The following SYT1 variants were observed in gnomAD, a reference collection of about 807,000 sequenced individuals.
SYT1 encodes the protein synaptotagmin-1.
SYT1 carries 8 observed loss-of-function variants against 44.8 expected under a neutral mutation model. The observed-to-expected ratio is 0.18, with a 90% confidence interval of 0.10 to 0.32. SYT1 has a LOEUF of 0.32. SYT1 is among the 10% of genes least tolerant of loss of function. SYT1 has a pLI of 1.00. For synonymous variants in SYT1, 154 were observed against 188.8 expected, an observed-to-expected ratio of 0.82 and a Z score of 1.51; for missense variants, 286 against 509.3, an observed-to-expected ratio of 0.56 and a Z score of 4.22.
intron 9 of SYT1, among the ~76,000 whole-genome samples, chr12:79,384,096 A>G (rs755151301): frequency 1.3e-5 from 2 of 152,176 alleles, no homozygotes; most frequent in Admixed American, 6.6e-5. Context: ...TAAATTAAGG[A>G]AATTGAGTTT....
intron 3 of SYT1, among the ~76,000 whole-genome samples, chr12:79,133,236 G>C (rs1160646219): frequency 2.6e-5 from 4 of 151,994 alleles, no homozygotes; most frequent in Non-Finnish European, 4.4e-5. Context: ...TGCTAGAAGA[G>C]GGTCAGGTGC....
intron 3 of SYT1, among the ~76,000 whole-genome samples, chr12:79,089,491 T>A (rs1877620339): frequency 7.6e-6 from 1 of 131,912 alleles, no homozygotes; most frequent in Non-Finnish European, 1.6e-5. Context: ...CTTGTGGAAG[T>A]CAACTGAAAA....
chr12:79,362,887 G>A (rs1883373183), intron 9 of SYT1, among the ~76,000 whole-genome samples: 1 of 152,162 alleles, frequency 6.6e-6, no homozygotes, highest in South Asian at 2.1e-4. Flanking sequence ...GTAAATACGT[G>A]TTGCTCTAGG....
intron 9 of SYT1, among the ~76,000 whole-genome samples, chr12:79,422,567 T>A (rs1593053844): frequency 6.6e-6 from 1 of 151,860 alleles, no homozygotes; most frequent in East Asian, 1.9e-4. Flanking sequence ...TCCACTTAAC[T>A]GCAGCCTAAG....
At chr12:79,404,261 A>C (rs2136120337) in intron 9 of SYT1, among the ~76,000 whole-genome samples, 1 of 152,308 alleles carries the variant, frequency 6.6e-6, no homozygotes, top group East Asian at 1.9e-4. Flanking sequence ...ACTAAATTAT[A>C]ATGGTGGTAC....
At chr12:79,280,813 T>C (rs1177525470) in intron 4 of SYT1, among the ~76,000 whole-genome samples, 1 of 151,504 alleles carries the variant, frequency 6.6e-6, no homozygotes, top group Non-Finnish European at 1.5e-5. Context: ...GAAAAAAAGA[T>C]AATAATCCCA....
intron 4 of SYT1, among the ~76,000 whole-genome samples, chr12:79,267,466 T>C (rs752773335): frequency 4.6e-5 from 7 of 152,150 alleles, no homozygotes; most frequent in Non-Finnish European, 1.0e-4. Flanking sequence ...AGCTGCCTAT[T>C]GTGAAGTCTT....
rs576866638 is a variant in SYT1, at chr12:79,152,398, G to A, written c.-17-65105G>A. 7.2e-5 allele frequency among the ~76,000 whole-genome samples: 11 copies of A among 152,202 alleles called. No homozygotes were observed. The South Asian group carries it at 1.0e-3, about 14-fold the overall frequency. On this transcript the variant is annotated intron_variant, in intron 3 of 10. Coordinates refer to ENST00000261205, the MANE Select transcript of SYT1 (RefSeq NM_005639.3). Reference sequence around the variant, plus strand: ...CTTCTATTGGCATGGAAGGGTGGTTGGAATCCTTATGAAGTGAGAATCGTT... The same window carrying A: ...CTTCTATTGGCATGGAAGGGTGGTTAGAATCCTTATGAAGTGAGAATCGTT...
chr12:78,980,901 T>A (rs1237632070), intron 2 of SYT1, among the ~76,000 whole-genome samples: 1 of 151,990 alleles, frequency 6.6e-6, no homozygotes, highest in Non-Finnish European at 1.5e-5. Context: ...GCATGAACAG[T>A]ATTCTCCTGA....
At chr12:79,049,860 A>C (rs1318937515) in intron 3 of SYT1, among the ~76,000 whole-genome samples, 1 of 152,078 alleles carries the variant, frequency 6.6e-6, no homozygotes, top group Non-Finnish European at 1.5e-5. Context: ...ATATTACTAT[A>C]ATATTGCTAA....
At chr12:79,129,735 C>G (rs544021608) in intron 3 of SYT1, among the ~76,000 whole-genome samples, 1 of 152,040 alleles carries the variant, frequency 6.6e-6, no homozygotes, top group East Asian at 1.9e-4. Context: ...AGAGACTTAC[C>G]AGTACCTTTT....
intron 2 of SYT1, among the ~76,000 whole-genome samples, chr12:78,983,900 C>A (rs1997190): frequency 0.072 from 10,990 of 152,024 alleles, 441 homozygotes; most frequent in African/African-American, 0.1. Context: ...ACAGCATTAA[C>A]ATTTCAAAAA....
At chr12:79,246,678 A>T (rs983271701) in intron 4 of SYT1, among the ~76,000 whole-genome samples, 9 of 152,202 alleles carry the variant, frequency 5.9e-5, no homozygotes, top group African/African-American at 1.7e-4. Context: ...TTCACAAGGG[A>T]GGAGCCCTCA....
chr12:79,208,461 A>G (rs1874252225), intron 3 of SYT1, among the ~76,000 whole-genome samples: 1 of 152,250 alleles, frequency 6.6e-6, no homozygotes. Flanking sequence ...AGGGAAAAAA[A>G]TAATCAAAGA....
chr12:79,210,650 G>T (rs1874384314), intron 3 of SYT1, among the ~76,000 whole-genome samples: 1 of 152,178 alleles, frequency 6.6e-6, no homozygotes, highest in Non-Finnish European at 1.5e-5. Context: ...CTCATTGATT[G>T]ATGGACATTT....
At chr12:79,043,455 CTT>C (rs1410363083) in intron 2 of SYT1, among the ~76,000 whole-genome samples, 1 of 147,492 alleles carries the variant, frequency 6.8e-6, no homozygotes, top group Non-Finnish European at 1.5e-5. Flanking sequence ...CAACCCCTGC[CTT>C]TTTTTGTTTT....
intron 9 of SYT1, among the ~76,000 whole-genome samples, chr12:79,409,242 C>T (rs1868334696): frequency 6.6e-6 from 1 of 151,888 alleles, no homozygotes; most frequent in African/African-American, 2.4e-5. Flanking sequence ...GGATCAAGTG[C>T]CATGTATTAA....
At chr12:78,969,060 A>G (rs559083976) in intron 1 of SYT1, among the ~76,000 whole-genome samples, 1 of 152,338 alleles carries the variant, frequency 6.6e-6, no homozygotes, top group South Asian at 2.1e-4. Flanking sequence ...TAGATCAAAA[A>G]TATATTTTTT....
intron 1 of SYT1, among the ~76,000 whole-genome samples, chr12:78,907,460 T>C (rs916901215): frequency 6.6e-6 from 1 of 151,978 alleles, no homozygotes; most frequent in Non-Finnish European, 1.5e-5. Context: ...ATATTATATA[T>C]TAGCTCTCTG....
Sources: allele counts gnomAD v4.1 joint callset (sites outside exome capture counted in the v4.1 genomes callset), GRCh38; gene constraint gnomAD v4.1.1; transcripts MANE v1.5; gene names NCBI Gene and HGNC (gene_info 2026-07-23, HGNC 2026-07-21).